The following LIPA variants were observed in gnomAD, a reference collection of about 807,000 sequenced individuals.
LIPA encodes lipase A, lysosomal acid type.
LIPA carries 26 observed loss-of-function variants against 40.6 expected under a neutral mutation model. The observed-to-expected ratio is 0.64, with a 90% CI of 0.47 to 0.89. LIPA has a LOEUF of 0.89. Among genes scored for constraint, LIPA ranks in the 40% least tolerant of loss-of-function variants. LIPA has a pLI of 0.00. For synonymous variants in LIPA, 188 were observed against 168.4 expected, an observed-to-expected ratio of 1.12 and a Z score of -0.90; for missense variants, 455 against 479.6, an observed-to-expected ratio of 0.95 and a Z score of 0.48.
At chr10:89,340,937 C>T (rs1843862517) in intron 1 of LIPA, 1 of 152,164 alleles carries the variant, frequency 6.6e-6, no homozygotes. Context: ...GATAGTAATG[C>T]TACAATAAAT....
intron 1 of LIPA, chr10:89,339,317 A>ATAAAGAAGCTGAAGGAGAGCAGTTTGT (rs1180853998): frequency 1.9e-6 from 3 of 1,613,722 alleles, no homozygotes; most frequent in Non-Finnish European, 2.5e-6. Context: ...CAGAAGATGA[A>ATAAAGAAGCTGAAGGAGAGCAGTTTGT]TAAAGAAGCT....
At chr10:89,226,162 T>G (rs1842767662) in intron 5 of LIPA, among the ~76,000 whole-genome samples, 1 of 152,108 alleles carries the variant, frequency 6.6e-6, no homozygotes, top group African/African-American at 2.4e-5. Flanking sequence ...GAAATATAAA[T>G]AAAGAAAAAT....
At chr10:89,325,002 T>G (rs1444925247) in intron 1 of LIPA, among the ~76,000 whole-genome samples, 1 of 152,202 alleles carries the variant, frequency 6.6e-6, no homozygotes, top group East Asian at 1.9e-4. Context: ...TGTATACCTA[T>G]GTAACAAACC....
At chr10:89,275,443 T>C (rs894116745) in intron 1 of LIPA, among the ~76,000 whole-genome samples, 9 of 152,174 alleles carry the variant, frequency 5.9e-5, no homozygotes, top group African/African-American at 1.7e-4. Context: ...CAGCTCGTGG[T>C]TGTGGTTCCA....
At chr10:89,279,072 C>A (rs1843303376) in intron 1 of LIPA, among the ~76,000 whole-genome samples, 1 of 152,024 alleles carries the variant, frequency 6.6e-6, no homozygotes, top group Non-Finnish European at 1.5e-5. Flanking sequence ...AATAATCTGG[C>A]CCAGAAAAAT....
At chr10:89,412,940 CG>C in intron 1 of LIPA, 1 of 242,342 alleles carries the variant, frequency 4.1e-6, no homozygotes, top group Non-Finnish European at 8.5e-6. Flanking sequence ...GAACCAATTC[CG>C]GACACACCAT....
chr10:89,317,905 C>A (rs1234054285), intron 1 of LIPA, among the ~76,000 whole-genome samples: 2 of 152,084 alleles, frequency 1.3e-5, no homozygotes, highest in Admixed American at 6.6e-5. Flanking sequence ...AGAGTGGGGG[C>A]CAATATTCAA....
chr10:89,279,132 A>T (rs561310288), intron 1 of LIPA, among the ~76,000 whole-genome samples: 1 of 152,168 alleles, frequency 6.6e-6, no homozygotes, highest in Non-Finnish European at 1.5e-5. Context: ...CCCCAAAGGG[A>T]GATGAGAAGC....
intron 2 of LIPA, among the ~76,000 whole-genome samples, chr10:89,372,362 G>C (rs1307973964): frequency 1.3e-5 from 2 of 152,214 alleles, no homozygotes; most frequent in Non-Finnish European, 2.9e-5. Flanking sequence ...GAGACAACAG[G>C]ATTATGATTT....
chr10:89,277,114 A>G (rs1381334980), intron 1 of LIPA, among the ~76,000 whole-genome samples: 1 of 152,250 alleles, frequency 6.6e-6, no homozygotes, highest in East Asian at 1.9e-4. Flanking sequence ...AAAAGAAGGA[A>G]GTATCCAGGA....
At chr10:89,302,087 C>T in intron 1 of LIPA, 2 of 1,613,560 alleles carry the variant, frequency 1.2e-6, no homozygotes, top group South Asian at 2.2e-5. Flanking sequence ...CTGCCTGAAC[C>T]GAGCCCTGCC....
chr10:89,347,570 G>C (rs1012933981), upstream of LIPA, among the ~76,000 whole-genome samples: 3 of 152,158 alleles, frequency 2.0e-5, no homozygotes, highest in African/African-American at 7.2e-5. Context: ...TTAGTCCTTA[G>C]CAAGGCAACT....
At chr10:89,408,164 C>A (rs929773820) in intron 2 of LIPA, among the ~76,000 whole-genome samples, 1 of 152,130 alleles carries the variant, frequency 6.6e-6, no homozygotes, top group Non-Finnish European at 1.5e-5. Context: ...CCATTGGGAC[C>A]AATTTGACCT....
chr10:89,391,055 G>A (rs1190868033), intron 2 of LIPA, among the ~76,000 whole-genome samples: 1 of 152,220 alleles, frequency 6.6e-6, no homozygotes, highest in Non-Finnish European at 1.5e-5. Flanking sequence ...TGACATGGGA[G>A]ATGAGTCTGG....
intron 1 of LIPA, among the ~76,000 whole-genome samples, chr10:89,267,729 T>TAAAA (rs56037485): frequency 1.9e-4 from 23 of 121,694 alleles, no homozygotes; most frequent in East Asian, 2.2e-4. Context: ...TAAAGTATAA[T>TAAAA]AAAAAAAAAA....
chr10:89,377,952 C>A, intron 2 of LIPA: 1 of 587,420 alleles, frequency 1.7e-6, no homozygotes, highest in Non-Finnish European at 3.1e-6. Context: ...AGCCCTATTC[C>A]TCTGTATCAT....
In LIPA at chr10:89,215,029, C is replaced by G; in HGVS notation, c.999G>C (p.Met333Ile). Residue 333 changes from methionine to isoleucine, a missense_variant, in exon 10 of 10, where the codon ATG becomes ATC. Physicochemically the swap from Met to Ile is conservative, Grantham distance 10 (BLOSUM62 1). Coordinates refer to ENST00000336233, the MANE Select transcript of LIPA (RefSeq NM_000235.4). The stretch of plus-strand genomic sequence containing the variant: ...CGCTCCAGACTGCAGTCGGCACAAG[C>G]ATGTCCTTCACATTGTATGTGGGAG... ...SYPPTYNVKD[M>I]LVPTAVWSGG... is the part of the protein sequence containing the mutation. 2 of 1,613,980 alleles carry G rather than the reference C, an allele frequency of 1.2e-6. No homozygotes were observed. The highest frequency in any genetic ancestry group is 1.7e-6 in the Non-Finnish European group (2 of 1,179,832).
At chr10:89,403,333 C>T (rs1263927830) in intron 2 of LIPA, 1 of 1,612,886 alleles carries the variant, frequency 6.2e-7, no homozygotes, top group Admixed American at 1.7e-5. Context: ...TATATAGAAG[C>T]AGGCAATCAC....
At chr10:89,271,092 T>C (rs1366214255) in intron 1 of LIPA, among the ~76,000 whole-genome samples, 1 of 152,234 alleles carries the variant, frequency 6.6e-6, no homozygotes, top group African/African-American at 2.4e-5. Flanking sequence ...ATGAGCAAGA[T>C]TCCTGTGACC....
Sources: allele counts gnomAD v4.1 joint callset (sites outside exome capture counted in the v4.1 genomes callset), GRCh38; gene constraint gnomAD v4.1.1; transcripts MANE v1.5; gene names NCBI Gene and HGNC (gene_info 2026-07-23, HGNC 2026-07-21).